Variants in DCUN1D4 observed in about 807,000 individuals in gnomAD.
DCUN1D4 encodes the protein defective in cullin neddylation 1 domain containing 4.
A neutral mutation model predicts 47.9 loss-of-function variants in DCUN1D4; 22 were observed. The observed-to-expected ratio is 0.46, with a 90% CI of 0.33 to 0.66. The LOEUF is 0.66. DCUN1D4 is among the 30% of genes least tolerant of loss of function. The probability of loss-of-function intolerance (pLI) is 0.02; values close to 1 mark genes in which losing one functional copy is unlikely to be tolerated. For synonymous variants in DCUN1D4, 121 were observed against 112.2 expected (o/e 1.08, Z -0.50); for missense variants, 301 against 340.8 (o/e 0.88, Z 0.92).
intron 8 of DCUN1D4, among the ~76,000 whole-genome samples, chr4:51,901,682 C>T (rs1429076406): frequency 2.0e-5 from 3 of 152,220 alleles, no homozygotes; most frequent in African/African-American, 7.2e-5. Flanking sequence ...GTTTCAGTTA[C>T]ATACCCCTGG....
intron 1 of DCUN1D4, among the ~76,000 whole-genome samples, chr4:51,861,018 G>T (rs571342981): frequency 2.3e-4 from 35 of 152,316 alleles, no homozygotes; most frequent in Non-Finnish European, 3.7e-4. Flanking sequence ...AGTCGGAATT[G>T]ATGTCTTTTA....
chr4:51,882,131 C>T (rs1477985276), intron 5 of DCUN1D4, among the ~76,000 whole-genome samples: 2 of 133,116 alleles, frequency 1.5e-5, no homozygotes, highest in Non-Finnish European at 3.3e-5. Flanking sequence ...AAATCTTGCT[C>T]TTCTAAAACA....
At chr4:51,895,304 T>A (rs1470054609) in intron 7 of DCUN1D4, among the ~76,000 whole-genome samples, 1 of 151,950 alleles carries the variant, frequency 6.6e-6, no homozygotes, top group African/African-American at 2.4e-5. Context: ...TTCCTGGGTG[T>A]CTCTGGTAGC....
intron 3 of DCUN1D4, among the ~76,000 whole-genome samples, chr4:51,872,819 A>G (rs1727102988): frequency 6.6e-6 from 1 of 152,198 alleles, no homozygotes; most frequent in African/African-American, 2.4e-5. Context: ...AATATGATAC[A>G]TGCTGGTGAA....
At position 51,868,951 on chromosome 4, in the gene DCUN1D4, C is replaced by T. The variant is rs144300352; in HGVS notation, c.136+5242C>T. ...TGGGCAACATGGTGAAACCCCGTCT[C>T]TACTAAAAATACAAAAATTAGCTGG... On this transcript the variant is annotated intron_variant, in intron 3 of 10. Transcript: ENST00000334635. Among the ~76,000 whole-genome samples the T allele has an allele frequency of 9.3e-3, 1,407 of 152,022 alleles. 30 individuals carry two copies. The highest frequency in any genetic ancestry group is 0.032 in the African/African-American group (1,344 of 41,438).
the DCUN1D4 span, among the ~76,000 whole-genome samples, chr4:51,835,328 A>G: frequency 6.6e-6 from 1 of 152,222 alleles, no homozygotes; most frequent in Non-Finnish European, 1.5e-5. Flanking sequence ...TTTTACAAAA[A>G]TGTCTACCTC....
At chr4:51,834,010 T>A in the DCUN1D4 span, among the ~76,000 whole-genome samples, 1 of 150,714 alleles carries the variant, frequency 6.6e-6, no homozygotes, top group African/African-American at 2.4e-5. Flanking sequence ...ATTTTAGGTT[T>A]TGGTGTTGAG....
rs758053478 is a variant in DCUN1D4, at chr4:51,863,697, G to T, written c.124G>T (p.Asp42Tyr). 8 of 1,613,074 alleles carry T rather than the reference G, an allele frequency of 5.0e-6. No homozygotes were observed. The South Asian group carries it at 6.6e-5, about 13-fold the overall frequency. The stretch of plus-strand genomic sequence containing the variant: ...CCTAACAGAAGACATTGGCCAAGAC[G>T]ATCACCAAACAGGTATCTGTAAATG... ...LNLTEDIGQD[D>Y]HQTGSLRSCS... The change falls in exon 3 of 11, where the codon GAT (aspartate) becomes TAT (tyrosine). Residue 42 changes from aspartate to tyrosine, a missense_variant. Asp to Tyr is a radical substitution (Grantham distance 160). Transcript: ENST00000334635.
At chr4:51,837,841 T>C in the DCUN1D4 span, among the ~76,000 whole-genome samples, 1 of 152,118 alleles carries the variant, frequency 6.6e-6, no homozygotes, top group African/African-American at 2.4e-5. Context: ...ATTTCTAAGA[T>C]GGCTCCTTCA....
At chr4:51,876,707 G>A (rs1727753781) in intron 4 of DCUN1D4, among the ~76,000 whole-genome samples, 1 of 152,062 alleles carries the variant, frequency 6.6e-6, no homozygotes, top group Admixed American at 6.5e-5. Flanking sequence ...CCTGTATGGA[G>A]CACTGACTTT....
intron 8 of DCUN1D4, chr4:51,909,098 A>G: frequency 2.3e-6 from 1 of 439,516 alleles, no homozygotes; most frequent in South Asian, 1.6e-5. Context: ...AGATGATTAT[A>G]TTGTTGCAAA....
At chr4:51,845,356 G>A (rs1722370970) in intron 1 of DCUN1D4, 1 of 866,044 alleles carries the variant, frequency 1.2e-6, no homozygotes, top group Non-Finnish European at 1.4e-6. Context: ...GGAATTTAGG[G>A]TGGAAATGTG....
chr4:51,899,434 T>C, intron 8 of DCUN1D4, 56 bp downstream of exon 8: 1 of 1,531,692 alleles, frequency 6.5e-7, no homozygotes, highest in East Asian at 2.4e-5. Flanking sequence ...CCTTTTTAAA[T>C]TGCCTTTTGA....
rs751838174 is a variant in DCUN1D4, at chr4:51,891,727, AT to A, written c.415-24del. 7.5e-4 allele frequency: 1,090 copies of A among 1,461,098 alleles called. 1 individual carries two copies. The highest frequency in any genetic ancestry group is 1.4e-3 in the African/African-American group (98 of 69,654). 90.5% of individuals were successfully genotyped at this position (1,461,098 alleles called of 1,614,324 possible). On this transcript the variant is annotated intron_variant, in intron 6 of 10. Coordinates refer to ENST00000334635, the MANE Select transcript of DCUN1D4 (RefSeq NM_001040402.3). ...TTTTTCTTTTTAATTTGTGTAATATATTTTTTTTTAATTGTGTATTTTTTTT... is the reference window on the plus strand; with the variant it reads ...TTTTTCTTTTTAATTTGTGTAATATATTTTTTTTAATTGTGTATTTTTTTT...
chr4:51,839,141 G>GGGAA (rs199949836), upstream of DCUN1D4, among the ~76,000 whole-genome samples: 31 of 147,286 alleles, frequency 2.1e-4, no homozygotes, highest in East Asian at 1.8e-3. Context: ...GAATGAGGGA[G>GGGAA]GGAAGGAAGG....
chr4:51,868,597 T>A (rs1364740585), intron 3 of DCUN1D4, among the ~76,000 whole-genome samples: 1 of 152,218 alleles, frequency 6.6e-6, no homozygotes, highest in Non-Finnish European at 1.5e-5. Flanking sequence ...CTGAAATAGT[T>A]GAGTCATTGT....
chr4:51,844,343 G>A (rs1025074164), intron 1 of DCUN1D4: 81 of 984,888 alleles, frequency 8.2e-5, no homozygotes, highest in Non-Finnish European at 8.7e-5. Context: ...GAGGAGACGG[G>A]GTAAGTGCCC....
upstream of DCUN1D4, among the ~76,000 whole-genome samples, chr4:51,838,504 C>T (rs964589784): frequency 1.3e-5 from 2 of 152,126 alleles, no homozygotes; most frequent in African/African-American, 4.8e-5. Flanking sequence ...ACCTCAGCCA[C>T]CTGAGTAGCT....
intron 5 of DCUN1D4, among the ~76,000 whole-genome samples, chr4:51,881,082 T>G (rs1728528172): frequency 1.3e-5 from 2 of 151,970 alleles, no homozygotes; most frequent in Non-Finnish European, 1.5e-5. Context: ...GAGCCAAGAT[T>G]GCGCCACTGC....
Sources: allele counts gnomAD v4.1 joint callset (sites outside exome capture counted in the v4.1 genomes callset), GRCh38; gene constraint gnomAD v4.1.1; transcripts MANE v1.5; gene names NCBI Gene and HGNC (gene_info 2026-07-23, HGNC 2026-07-21).